The following NRG3 variants were observed in gnomAD, a reference collection of about 807,000 sequenced individuals.
NRG3 encodes pro-neuregulin-3, membrane-bound isoform.
NRG3 carries 31 observed loss-of-function variants against 66.9 expected under a neutral mutation model. The ratio of observed to expected loss-of-function variants is 0.46; its 90% CI spans 0.35 to 0.63. The LOEUF is 0.63. Among genes scored for constraint, NRG3 ranks in the 20% least tolerant of loss-of-function variants. NRG3 has a pLI of 0.00. For missense variants in NRG3, 910 were observed against 878.9 expected (o/e 1.04, Z -0.45); for synonymous variants, 393 against 359.4 (o/e 1.09, Z -1.06).
intron 2 of NRG3, among the ~76,000 whole-genome samples, chr10:82,382,702 A>G (rs1040914960): frequency 2.6e-5 from 4 of 152,040 alleles, no homozygotes; most frequent in Non-Finnish European, 4.4e-5. Context: ...CCATTATTGT[A>G]TATAAGACTG....
At chr10:82,151,845 CTTACTCACTTGT>C (rs1371678109) in intron 1 of NRG3, among the ~76,000 whole-genome samples, 4 of 152,182 alleles carry the variant, frequency 2.6e-5, no homozygotes, top group East Asian at 1.9e-4. Context: ...GATCCCAATC[CTTACTCACTTGT>C]CGAGGGAGTT....
intron 2 of NRG3, among the ~76,000 whole-genome samples, chr10:82,525,238 T>A (rs1846584259): frequency 6.6e-6 from 1 of 151,834 alleles, no homozygotes; most frequent in African/African-American, 2.4e-5. Context: ...GCATAGAAGA[T>A]GCTTTTACTC....
At chr10:81,896,788 C>A (rs942838334) in intron 1 of NRG3, among the ~76,000 whole-genome samples, 2 of 152,034 alleles carry the variant, frequency 1.3e-5, no homozygotes, top group African/African-American at 4.8e-5. Context: ...TTCCACACAG[C>A]CTGTCTCAAG....
At chr10:82,354,014 CTTTTTT>C (rs869307444) in intron 1 of NRG3, among the ~76,000 whole-genome samples, 1 of 112,628 alleles carries the variant, frequency 8.9e-6, no homozygotes, top group Non-Finnish European at 1.7e-5. Context: ...CACTATAACA[CTTTTTT>C]TTTTTTTTTT....
At chr10:82,554,392 T>C (rs2044514703) in intron 2 of NRG3, among the ~76,000 whole-genome samples, 1 of 152,154 alleles carries the variant, frequency 6.6e-6, no homozygotes, top group Non-Finnish European at 1.5e-5. Flanking sequence ...CTGTACCCCG[T>C]GAATACATCC....
chr10:82,574,236 A>C (rs2045908612), intron 2 of NRG3, among the ~76,000 whole-genome samples: 1 of 151,726 alleles, frequency 6.6e-6, no homozygotes. Flanking sequence ...ATTTGCAGCA[A>C]CGTGGGTGAA....
chr10:82,806,226 G>A (rs550536389), intron 3 of NRG3, among the ~76,000 whole-genome samples: 1 of 152,256 alleles, frequency 6.6e-6, no homozygotes, highest in East Asian at 1.9e-4. Context: ...TTCCTCATGT[G>A]CCTTATTGAC....
At chr10:81,912,725 A>G (rs1429109366) in intron 1 of NRG3, among the ~76,000 whole-genome samples, 1 of 152,176 alleles carries the variant, frequency 6.6e-6, no homozygotes, top group Non-Finnish European at 1.5e-5. Flanking sequence ...CGAACTTTGT[A>G]GGTAGCAGGG....
At chr10:81,940,852 T>G (rs1365198496) in intron 1 of NRG3, among the ~76,000 whole-genome samples, 3 of 152,084 alleles carry the variant, frequency 2.0e-5, no homozygotes, top group African/African-American at 7.2e-5. Context: ...ATTTTTAAGG[T>G]ACCGAATGTA....
At chr10:82,456,315 T>A (rs548344307) in intron 2 of NRG3, among the ~76,000 whole-genome samples, 8 of 152,078 alleles carry the variant, frequency 5.3e-5, no homozygotes, top group Admixed American at 3.3e-4. Flanking sequence ...AATTTTTTTT[T>A]ATTTTTTAAC....
chr10:82,408,081 G>GAGAGAAAGAA (rs1564888020), intron 2 of NRG3, among the ~76,000 whole-genome samples: 2 of 67,064 alleles, frequency 3.0e-5, no homozygotes, highest in East Asian at 4.2e-4. Context: ...GAGAGAGAGA[G>GAGAGAAAGAA]AGACAGAAAG....
chr10:82,583,651 A>G (rs1217570375), intron 2 of NRG3, among the ~76,000 whole-genome samples: 1 of 152,202 alleles, frequency 6.6e-6, no homozygotes, highest in East Asian at 1.9e-4. Flanking sequence ...TGCCTGTGAC[A>G]TGGAACTCCC....
At chr10:81,939,900 C>T in intron 1 of NRG3, among the ~76,000 whole-genome samples, 1 of 151,882 alleles carries the variant, frequency 6.6e-6, no homozygotes, top group Admixed American at 6.6e-5. Context: ...GAAATATAGG[C>T]ATTTTACTGT....
At chr10:82,112,545 G>A (rs2067450621) in intron 1 of NRG3, among the ~76,000 whole-genome samples, 1 of 152,130 alleles carries the variant, frequency 6.6e-6, no homozygotes, top group Non-Finnish European at 1.5e-5. Flanking sequence ...TGGTGAAAAT[G>A]TTTATCAAGT....
At chr10:82,306,005 C>T (rs2080703362) in intron 1 of NRG3, among the ~76,000 whole-genome samples, 1 of 152,174 alleles carries the variant, frequency 6.6e-6, no homozygotes, top group African/African-American at 2.4e-5. Flanking sequence ...CTGGGAAAAG[C>T]TAGTATCCAT....
intron 1 of NRG3, among the ~76,000 whole-genome samples, chr10:82,345,561 C>T (rs1374262443): frequency 6.6e-6 from 1 of 151,200 alleles, no homozygotes; most frequent in African/African-American, 2.4e-5. Flanking sequence ...TTTTTTGGTT[C>T]CATATGAACT....
chr10:82,321,300 G>GT (rs1564792818), intron 1 of NRG3, among the ~76,000 whole-genome samples: 1 of 129,550 alleles, frequency 7.7e-6, no homozygotes, highest in African/African-American at 4.0e-5. Context: ...TGTGGCAGGG[G>GT]TGGGGGTGGG....
chr10:82,532,000 TC>T (rs1212230541), intron 2 of NRG3, among the ~76,000 whole-genome samples: 4 of 151,856 alleles, frequency 2.6e-5, no homozygotes, highest in Admixed American at 6.6e-5. Flanking sequence ...ATTTGATTAT[TC>T]TTTTTTTATG....
intron 6 of NRG3, among the ~76,000 whole-genome samples, chr10:82,962,019 A>G (rs1038320460): frequency 9.2e-5 from 14 of 152,162 alleles, no homozygotes; most frequent in Non-Finnish European, 1.9e-4. Context: ...GCATTCCTTT[A>G]TTAAGTTCAT....
Sources: gnomAD v4.1 joint callset for allele counts (sites outside exome capture counted in the v4.1 genomes callset) on GRCh38, gnomAD v4.1.1 for gene constraint, MANE v1.5 for transcripts, NCBI Gene and HGNC (gene_info 2026-07-23, HGNC 2026-07-21) for gene names.